ARHGEF33: variants seen among roughly 807,000 people sequenced by gnomAD.
The protein encoded by ARHGEF33 is Rho guanine nucleotide exchange factor 33.
A neutral mutation model predicts 101.9 loss-of-function variants in ARHGEF33; 72 were observed. That is an observed-to-expected ratio of 0.71 (90% CI 0.58 to 0.86). The LOEUF is 0.86. Among genes scored for constraint, ARHGEF33 ranks in the 40% least tolerant of loss-of-function variants. The probability of loss-of-function intolerance (pLI) is 0.00; values close to 1 mark genes in which losing one functional copy is unlikely to be tolerated. For synonymous variants in ARHGEF33, 499 were observed against 442.5 expected (o/e 1.13, Z -1.60); for missense variants, 1,169 against 1,111.3 (o/e 1.05, Z -0.74).
chr2:38,907,274 C>T (rs1245625320), intron 2 of ARHGEF33, among the ~76,000 whole-genome samples: 33 of 152,096 alleles, frequency 2.2e-4, no homozygotes, highest in Admixed American at 2.2e-3. Flanking sequence ...CTATGATTTC[C>T]AACTTTTGAA....
At chr2:38,951,225 A>G (rs757968570) in intron 11 of ARHGEF33, 104 bp downstream of exon 11, 4 of 1,023,476 alleles carry the variant, frequency 3.9e-6, no homozygotes, top group Admixed American at 2.4e-5. Flanking sequence ...TTTCACAGCT[A>G]GAACCACTGA....
At chr2:38,925,461 G>A (rs1572751188) in intron 4 of ARHGEF33, among the ~76,000 whole-genome samples, 1 of 152,184 alleles carries the variant, frequency 6.6e-6, no homozygotes, top group East Asian at 1.9e-4. Flanking sequence ...GGCCTGTGGT[G>A]TATCCAGGGA....
At position 38,943,751 on chromosome 2, in the gene ARHGEF33, G is replaced by C. The variant is rs185812007; in HGVS notation, c.791-150G>C. 6.2e-4 allele frequency: 463 copies of C among 747,966 alleles called. No individual in the cohort carries two copies. In the African/African-American group the frequency reaches 7.3e-3, roughly 12 times the overall value. 46.3% of individuals were successfully genotyped at this position (747,966 alleles called of 1,614,324 possible). A position where few individuals can be genotyped will look rare whatever the true frequency, so the allele number is the denominator to read the frequency against. On this transcript the variant is annotated intron_variant, in intron 9 of 17. Transcript: ENST00000409978. ...TTTGCTCTGCTGAATGAATTACTGC[G>C]CCTCCATTCTGCTTTCTACCTTTCA...
intron 2 of ARHGEF33, among the ~76,000 whole-genome samples, chr2:38,916,251 A>C (rs1369381045): frequency 6.6e-6 from 1 of 152,230 alleles, no homozygotes; most frequent in African/African-American, 2.4e-5. Flanking sequence ...TGCATATTTA[A>C]AGATTTTCTT....
intron 4 of ARHGEF33, among the ~76,000 whole-genome samples, chr2:38,922,046 G>C (rs932953114): frequency 6.6e-6 from 1 of 152,172 alleles, no homozygotes; most frequent in Admixed American, 6.5e-5. Flanking sequence ...TTTGCAGTAA[G>C]AGTCGTATGA....
At chr2:38,930,965 C>G in intron 6 of ARHGEF33, 144 bp from the exon 7 acceptor site, 1 of 567,576 alleles carries the variant, frequency 1.8e-6, no homozygotes, top group Non-Finnish European at 2.9e-6. Context: ...TAGTATTTGA[C>G]CACTTTTAAT....
intron 2 of ARHGEF33, among the ~76,000 whole-genome samples, chr2:38,898,046 T>G (rs1387710129): frequency 6.6e-6 from 1 of 152,132 alleles, no homozygotes; most frequent in African/African-American, 2.4e-5. Context: ...ACGGAACGAT[T>G]TTGATCAAGA....
chr2:38,935,964 G>A, intron 8 of ARHGEF33, 130 bp downstream of exon 8: 1 of 788,032 alleles, frequency 1.3e-6, no homozygotes, highest in Non-Finnish European at 2.1e-6. Flanking sequence ...AAGTTATGAA[G>A]TTACGAAGAT....
chr2:38,890,039 T>C, intron 1 of ARHGEF33, 53 bp downstream of exon 1: 1 of 390,110 alleles, frequency 2.6e-6, no homozygotes, highest in Non-Finnish European at 5.4e-6. Flanking sequence ...GAAACAATTT[T>C]ATAAGAGATG....
At chr2:38,902,107 G>C (rs1331324802) in intron 2 of ARHGEF33, among the ~76,000 whole-genome samples, 3 of 150,150 alleles carry the variant, frequency 2.0e-5, no homozygotes, top group Admixed American at 2.0e-4. Flanking sequence ...AGAGCAGCCT[G>C]GGTGACAGAG....
intron 16 of ARHGEF33, among the ~76,000 whole-genome samples, chr2:38,961,645 AC>A: frequency 6.6e-6 from 1 of 152,262 alleles, no homozygotes; most frequent in African/African-American, 2.4e-5. Context: ...CTTGTCTTGT[AC>A]CAGGCTCTGT....
Position 38,956,916 on chromosome 2 carries a change from A to G in ARHGEF33, c.1239A>G (p.Thr413=), listed in dbSNP as rs780876682. Residue 413 remains threonine, a synonymous_variant, in exon 14 of 18, where the codon ACA becomes ACG. Coordinates refer to ENST00000409978, the MANE Select transcript of ARHGEF33 (RefSeq NM_001145451.5). Reference sequence around the variant, plus strand: ...CCATCCAGAACGTCCTGAAGTTCACAGAGCAGGAGCACCCTGACTATTATC... The same window carrying G: ...CCATCCAGAACGTCCTGAAGTTCACGGAGCAGGAGCACCCTGACTATTATC... ...LIHLQNVLKF[T]EQEHPDYYLL... 5.2e-6 allele frequency: 8 copies of G among 1,552,286 alleles called. No homozygotes were observed. The highest frequency in any genetic ancestry group is 2.0e-5 in the Admixed American group (1 of 50,994).
intron 11 of ARHGEF33, among the ~76,000 whole-genome samples, chr2:38,951,973 G>C (rs1412707376): frequency 6.6e-6 from 1 of 152,198 alleles, no homozygotes; most frequent in African/African-American, 2.4e-5. Flanking sequence ...GGACTGGTGT[G>C]AAGTGTGAGC....
At chr2:38,917,570 C>G (rs976851516) in intron 2 of ARHGEF33, among the ~76,000 whole-genome samples, 4 of 152,104 alleles carry the variant, frequency 2.6e-5, no homozygotes, top group African/African-American at 9.7e-5. Context: ...TGGCTCATGA[C>G]TGTAATCTGA....
At position 38,937,643 on chromosome 2, in the gene ARHGEF33, C is replaced by A. The variant is rs114567206; in HGVS notation, c.790+84C>A. On this transcript the variant is annotated intron_variant, in intron 9 of 17. Transcript: ENST00000409978. ...TGAACTCAAAGGCGAGAATCCTTGC[C>A]GTTTAGATTCAGTGGACACATGAGG... The A allele has an allele frequency of 2.3e-3, 1,907 of 839,850 alleles. 33 individuals are homozygous for A. In the African/African-American group the frequency reaches 0.029, roughly 13 times the overall value. The allele number at this position is 839,850 out of a possible 1,614,324, so 52.0% of individuals were successfully genotyped here. A position where few individuals can be genotyped will look rare whatever the true frequency, so the allele number is the denominator to read the frequency against.
chr2:38,963,390 T>C (rs1452291915), intron 16 of ARHGEF33, among the ~76,000 whole-genome samples: 1 of 152,180 alleles, frequency 6.6e-6, no homozygotes, highest in African/African-American at 2.4e-5. Context: ...AGAAAGAAGA[T>C]GGTATGCTCT....
At chr2:38,940,006 T>C (rs1237743491) in intron 9 of ARHGEF33, among the ~76,000 whole-genome samples, 2 of 152,100 alleles carry the variant, frequency 1.3e-5, no homozygotes, top group African/African-American at 4.8e-5. Context: ...TCCAGGTTCA[T>C]TTTTTTTCCA....
intron 2 of ARHGEF33, among the ~76,000 whole-genome samples, chr2:38,902,972 G>C (rs535842082): frequency 2.0e-5 from 3 of 152,198 alleles, no homozygotes; most frequent in South Asian, 2.1e-4. Context: ...TTTTATCCTT[G>C]ATGTAGGGTA....
rs369274931 is a variant in ARHGEF33 at position 38,958,200 on chromosome 2, T to TAAGC, written c.1535+4_1535+7dup. On this transcript the variant is annotated splice_region_variant and intron_variant, in intron 15 of 17. Coordinates refer to ENST00000409978, the MANE Select transcript of ARHGEF33 (RefSeq NM_001145451.5). The stretch of plus-strand genomic sequence containing the variant: ...TCCCAGTTCTGGCCCTGCCATCACG[T>TAAGC]AAGCACCTGTTGCTGTGGGAAGGTT... 2.7e-4 allele frequency: 412 copies of TAAGC among 1,551,456 alleles called. No individual in the cohort carries two copies. The highest frequency in any genetic ancestry group is 4.2e-4 in the South Asian group (35 of 84,028).
Sources: gnomAD v4.1 joint callset for allele counts (sites outside exome capture counted in the v4.1 genomes callset) on GRCh38, gnomAD v4.1.1 for gene constraint, MANE v1.5 for transcripts, NCBI Gene and HGNC (gene_info 2026-07-23, HGNC 2026-07-21) for gene names.